Variants in FAM135A observed in about 807,000 individuals in gnomAD.
FAM135A encodes the protein family with sequence similarity 135 member A, also known as protein FAM135A.
Under a neutral mutation model 146.8 loss-of-function variants are expected in FAM135A, and 79 were observed. The observed-to-expected ratio is 0.54, with a 90% CI of 0.45 to 0.65. The LOEUF is 0.65. Among genes scored for constraint, FAM135A ranks in the 30% least tolerant of loss-of-function variants. The pLI, the probability that FAM135A is intolerant of heterozygous loss-of-function variation, is 0.00. For synonymous variants in FAM135A, 562 were observed against 603.6 expected (o/e 0.93, Z 1.01); for missense variants, 1,623 against 1,758.2 (o/e 0.92, Z 1.38).
At position 70,525,026 on chromosome 6, in the gene FAM135A, A is replaced by G. The variant is rs745777310; in HGVS notation, c.1942A>G (p.Thr648Ala). Residue 648 changes from threonine to alanine, a missense_variant, in exon 15 of 22, where the codon ACA becomes GCA. Transcript: ENST00000418814. ...RSSDDCHDHQ[T>A]TPSLGVRTIE... ...ATCAGACGATTGCCATGATCATCAA[A>G]CAACCCCATCTTTGGGAGTTAGAAC... The G allele has an allele frequency of 6.3e-7, 1 of 1,596,692 alleles. No individual in the cohort carries two copies. The highest frequency in any genetic ancestry group is 8.5e-7 in the Non-Finnish European group (1 of 1,174,328).
intron 2 of FAM135A, chr6:70,417,478 G>T: frequency 2.3e-6 from 1 of 431,674 alleles, no homozygotes; most frequent in Non-Finnish European, 3.1e-6. Context: ...CACCCAAAGT[G>T]CTGGGATTAC....
intron 10 of FAM135A, among the ~76,000 whole-genome samples, chr6:70,486,981 G>A (rs1192158550): frequency 6.6e-6 from 1 of 150,788 alleles, no homozygotes; most frequent in Non-Finnish European, 1.5e-5. Flanking sequence ...GAGATGGGAG[G>A]CTGAGGCAGG....
At chr6:70,455,407 C>T (rs1247993313) in intron 5 of FAM135A, among the ~76,000 whole-genome samples, 3 of 151,970 alleles carry the variant, frequency 2.0e-5, no homozygotes, top group South Asian at 2.1e-4. Flanking sequence ...CACACACACA[C>T]ACACACGTAT....
intron 20 of FAM135A, among the ~76,000 whole-genome samples, chr6:70,551,163 C>A (rs1345707378): frequency 6.6e-6 from 1 of 152,224 alleles, no homozygotes; most frequent in Non-Finnish European, 1.5e-5. Context: ...TTTGTGTTTT[C>A]ACTAGAGTAG....
intron 5 of FAM135A, among the ~76,000 whole-genome samples, chr6:70,464,483 A>C (rs1779987228): frequency 6.6e-6 from 1 of 152,188 alleles, no homozygotes; most frequent in African/African-American, 2.4e-5. Flanking sequence ...AGTTGTTATC[A>C]TCTAGCAAAT....
chr6:70,520,057 T>C (rs955773800), intron 12 of FAM135A, among the ~76,000 whole-genome samples: 4 of 152,190 alleles, frequency 2.6e-5, no homozygotes, highest in African/African-American at 9.6e-5. Context: ...TTGTGTGATC[T>C]TTTATAGGGG....
At chr6:70,482,752 C>G (rs1783964138) in intron 10 of FAM135A, among the ~76,000 whole-genome samples, 1 of 151,886 alleles carries the variant, frequency 6.6e-6, no homozygotes, top group Non-Finnish European at 1.5e-5. Context: ...ATTTTGTATG[C>G]CATTTGTAGC....
rs1386976218 is a variant in FAM135A at position 70,556,841 on chromosome 6, A to G, written c.4320A>G (p.Thr1440=). The G allele has an allele frequency of 6.2e-7, 1 of 1,613,708 alleles. No individual in the cohort carries two copies. Among genetic ancestry groups the G allele is most frequent in the Non-Finnish European group, 8.5e-7 (1 of 1,179,950 alleles). The change falls in exon 21 of 22, where the codon ACA becomes ACG. Residue 1440 remains threonine, a synonymous_variant. Coordinates refer to ENST00000418814, the MANE Select transcript of FAM135A (RefSeq NM_001162529.3). The stretch of plus-strand genomic sequence containing the variant: ...CTGCCCGCATTGAAATGTGTAAAAC[A>G]GCTTTAAAGGACAAACAGTCAGGTA... ...YHSARIEMCK[T]ALKDKQSGQI...
At chr6:70,557,134 T>C (rs1229493515) in intron 21 of FAM135A, 1 of 532,310 alleles carries the variant, frequency 1.9e-6, no homozygotes. Flanking sequence ...TCTGAATTAA[T>C]GGGATTGACA....
intron 11 of FAM135A, among the ~76,000 whole-genome samples, chr6:70,500,126 AG>A (rs1206400878): frequency 1.3e-5 from 2 of 152,120 alleles, no homozygotes; most frequent in Non-Finnish European, 2.9e-5. Context: ...AATCAATCGT[AG>A]GTTTGGTCTT....
intron 10 of FAM135A, among the ~76,000 whole-genome samples, chr6:70,485,339 C>T (rs1784412878): frequency 6.6e-6 from 1 of 151,906 alleles, no homozygotes; most frequent in South Asian, 2.1e-4. Flanking sequence ...ATTTTCCTTT[C>T]TCTTTATTGT....
intron 20 of FAM135A, among the ~76,000 whole-genome samples, chr6:70,542,181 A>G (rs1280489752): frequency 6.6e-6 from 1 of 152,028 alleles, no homozygotes; most frequent in Non-Finnish European, 1.5e-5. Context: ...TGAAGTTTAG[A>G]TTCCATGGAT....
intron 20 of FAM135A, among the ~76,000 whole-genome samples, chr6:70,551,392 G>A (rs959189218): frequency 5.9e-5 from 9 of 152,050 alleles, no homozygotes; most frequent in Admixed American, 2.0e-4. Flanking sequence ...GGGAATCTCC[G>A]AATCCTAGGA....
At chr6:70,501,294 T>C (rs1371373079) in intron 11 of FAM135A, among the ~76,000 whole-genome samples, 1 of 152,138 alleles carries the variant, frequency 6.6e-6, no homozygotes, top group Non-Finnish European at 1.5e-5. Flanking sequence ...CTTAGCACTG[T>C]CAGTGGAAAA....
chr6:70,559,302 G>A (rs1402141538), intron 21 of FAM135A, among the ~76,000 whole-genome samples: 2 of 152,048 alleles, frequency 1.3e-5, no homozygotes, highest in Admixed American at 1.3e-4. Flanking sequence ...TTAACTGGGT[G>A]TGGTGGTGCA....
chr6:70,462,083 A>C (rs549888326), intron 5 of FAM135A, among the ~76,000 whole-genome samples: 2 of 152,324 alleles, frequency 1.3e-5, no homozygotes, highest in South Asian at 4.1e-4. Context: ...CAGTCTAAGA[A>C]AAAGCCATTT....
intron 2 of FAM135A, among the ~76,000 whole-genome samples, chr6:70,421,941 T>G (rs1768944312): frequency 6.6e-6 from 1 of 152,180 alleles, no homozygotes; most frequent in Non-Finnish European, 1.5e-5. Context: ...GAATCTGCCG[T>G]GCATCATCTG....
At chr6:70,424,555 A>G (rs9446245) in intron 2 of FAM135A, among the ~76,000 whole-genome samples, 30,733 of 152,180 alleles carry the variant, frequency 0.2, 3,409 homozygotes, top group African/African-American at 0.29. Flanking sequence ...TTGGTGGGAT[A>G]GCAGCATCCT....
At chr6:70,424,475 T>A (rs1769577555) in intron 2 of FAM135A, among the ~76,000 whole-genome samples, 1 of 152,240 alleles carries the variant, frequency 6.6e-6, no homozygotes, top group Non-Finnish European at 1.5e-5. Context: ...GATGGCCTCA[T>A]TTTAATGAAG....
Sources: gnomAD v4.1 joint callset for allele counts (sites outside exome capture counted in the v4.1 genomes callset) on GRCh38, gnomAD v4.1.1 for gene constraint, MANE v1.5 for transcripts, NCBI Gene and HGNC (gene_info 2026-07-23, HGNC 2026-07-21) for gene names.